The following LRRC4C variants were observed in gnomAD, a reference collection of about 807,000 sequenced individuals.
The protein encoded by LRRC4C is leucine rich repeat containing 4C.
In LRRC4C, 5 loss-of-function variants were observed where a neutral mutation model predicts 33.6. The observed-to-expected ratio is 0.15, with a 90% CI of 0.08 to 0.31. LRRC4C has a LOEUF of 0.31. LRRC4C is among the 10% of genes least tolerant of loss of function. LRRC4C has a pLI of 1.00. For missense variants in LRRC4C, 560 were observed against 796.7 expected (o/e 0.70, Z 3.58); for synonymous variants, 329 against 302.0 (o/e 1.09, Z -0.93).
chr11:41,118,512 C>T (rs879278402), intron 1 of LRRC4C, among the ~76,000 whole-genome samples: 6 of 152,204 alleles, frequency 3.9e-5, no homozygotes, highest in Non-Finnish European at 7.3e-5. Flanking sequence ...TGGTCACTGT[C>T]CATTCCTTTC....
intron 2 of LRRC4C, among the ~76,000 whole-genome samples, chr11:40,815,243 G>A (rs1322392918): frequency 6.6e-6 from 1 of 152,056 alleles, no homozygotes; most frequent in African/African-American, 2.4e-5. Context: ...GCATGTGTAG[G>A]GGACCTCCCT....
intron 1 of LRRC4C, among the ~76,000 whole-genome samples, chr11:41,353,525 A>C (rs930742551): frequency 6.6e-6 from 1 of 152,120 alleles, no homozygotes; most frequent in Non-Finnish European, 1.5e-5. Flanking sequence ...CATTCTGTGA[A>C]GCTAGCTTTG....
chr11:40,728,218 C>G (rs1947383809), intron 2 of LRRC4C, among the ~76,000 whole-genome samples: 1 of 151,746 alleles, frequency 6.6e-6, no homozygotes, highest in Non-Finnish European at 1.5e-5. Flanking sequence ...CAGTTCAGCC[C>G]CTGTAGAAAG....
At chr11:41,041,926 T>C (rs1276601103) in intron 1 of LRRC4C, among the ~76,000 whole-genome samples, 1 of 152,176 alleles carries the variant, frequency 6.6e-6, no homozygotes, top group Non-Finnish European at 1.5e-5. Context: ...GTGGATCTGA[T>C]TTGTTGGCCT....
At chr11:40,832,959 G>A (rs1167774439) in intron 2 of LRRC4C, among the ~76,000 whole-genome samples, 1 of 152,122 alleles carries the variant, frequency 6.6e-6, no homozygotes, top group Non-Finnish European at 1.5e-5. Flanking sequence ...ACAAGCATAA[G>A]GAGGTTTCAC....
intron 1 of LRRC4C, among the ~76,000 whole-genome samples, chr11:41,047,595 A>T (rs1372083928): frequency 6.6e-6 from 1 of 152,162 alleles, no homozygotes; most frequent in Non-Finnish European, 1.5e-5. Flanking sequence ...AAAATAAAAA[A>T]TTTAAAAAAG....
In LRRC4C at chr11:40,554,982, A is replaced by G. The variant is rs995668625; in HGVS notation, c.-270+93160T>C. On this transcript the variant is annotated intron_variant, in intron 3 of 6. Transcript: ENST00000528697. ...GTGATCCGCCCGCCTCGGCCTCCCA[A>G]AGTGCTGGGATTACAGGCGTGAGCC... is the stretch of plus-strand genomic sequence containing the variant. 2.8e-5 allele frequency among the ~76,000 whole-genome samples: 4 copies of G among 142,912 alleles called. 1 individual carries two copies. Among genetic ancestry groups the G allele is most frequent in the African/African-American group, 1.2e-4 (4 of 33,890 alleles). 93.8% of individuals were successfully genotyped at this position (142,912 alleles called of 152,430 possible).
chr11:41,392,737 TG>T, intron 1 of LRRC4C, among the ~76,000 whole-genome samples: 1 of 87,982 alleles, frequency 1.1e-5, no homozygotes, highest in Admixed American at 1.6e-4. Context: ...AAGAAAGACA[TG>T]TGATAATGAG....
chr11:40,182,041 T>C (rs1861049393), intron 5 of LRRC4C, among the ~76,000 whole-genome samples: 3 of 152,234 alleles, frequency 2.0e-5, no homozygotes, highest in South Asian at 2.1e-4. Flanking sequence ...TTAAGAAAGC[T>C]AACTGATTCA....
intron 2 of LRRC4C, among the ~76,000 whole-genome samples, chr11:40,787,355 C>A (rs756512442): frequency 2.0e-5 from 3 of 152,252 alleles, no homozygotes; most frequent in Non-Finnish European, 4.4e-5. Flanking sequence ...TGAATTGTGG[C>A]AGTTACTATT....
intron 4 of LRRC4C, among the ~76,000 whole-genome samples, chr11:40,299,747 C>T (rs137945350): frequency 6.6e-6 from 1 of 152,202 alleles, no homozygotes; most frequent in Non-Finnish European, 1.5e-5. Context: ...ATGAACTGTC[C>T]ACTTGGTTGG....
intron 2 of LRRC4C, among the ~76,000 whole-genome samples, chr11:40,922,899 C>T (rs939223396): frequency 6.6e-6 from 1 of 152,132 alleles, no homozygotes; most frequent in African/African-American, 2.4e-5. Context: ...AAACTCTGCT[C>T]ACTGCAACCT....
chr11:40,514,799 T>C (rs1202674880), intron 3 of LRRC4C, among the ~76,000 whole-genome samples: 1 of 152,106 alleles, frequency 6.6e-6, no homozygotes, highest in Admixed American at 6.6e-5. Flanking sequence ...TACAATCATC[T>C]AAAAGTTTGA....
intron 3 of LRRC4C, among the ~76,000 whole-genome samples, chr11:40,362,672 A>G (rs1198640727): frequency 6.6e-6 from 1 of 152,200 alleles, no homozygotes; most frequent in Non-Finnish European, 1.5e-5. Flanking sequence ...GTGAGCTGAG[A>G]TCCCACCATT....
intron 3 of LRRC4C, among the ~76,000 whole-genome samples, chr11:40,484,688 G>A (rs1158336784): frequency 6.6e-6 from 1 of 151,878 alleles, no homozygotes; most frequent in Non-Finnish European, 1.5e-5. Flanking sequence ...ACTTAGACAA[G>A]CTGAATTCAT....
In LRRC4C at chr11:41,245,674, A is replaced by G. The variant is rs76434168; in HGVS notation, c.-496+213757T>C. Among the ~76,000 whole-genome samples, 763 of 152,288 alleles carry G rather than the reference A, an allele frequency of 5.0e-3. 8 individuals are homozygous for G. The highest frequency in any genetic ancestry group is 0.018 in the African/African-American group (733 of 41,564). Reference sequence around the variant, plus strand: ...CTTTTCTTCTTCCATTGCCCACCACATGGCAAGCAAGGAGAGTGTTTTAGC... The same window carrying G: ...CTTTTCTTCTTCCATTGCCCACCACGTGGCAAGCAAGGAGAGTGTTTTAGC... On this transcript the variant is annotated intron_variant, in intron 1 of 6. Coordinates refer to ENST00000528697, the MANE Select transcript of LRRC4C (RefSeq NM_001258419.2).
intron 2 of LRRC4C, among the ~76,000 whole-genome samples, chr11:40,869,332 G>T (rs1405525561): frequency 6.6e-6 from 1 of 152,256 alleles, no homozygotes; most frequent in East Asian, 1.9e-4. Context: ...TAGTCAGGCA[G>T]ACATAAGCAG....
At chr11:40,380,965 C>T (rs1039071352) in intron 3 of LRRC4C, among the ~76,000 whole-genome samples, 5 of 152,160 alleles carry the variant, frequency 3.3e-5, no homozygotes, top group Admixed American at 1.3e-4. Flanking sequence ...ATGCGAGTCT[C>T]TGTGTGTGCA....
intron 2 of LRRC4C, among the ~76,000 whole-genome samples, chr11:40,790,093 A>G (rs1035442238): frequency 2.6e-5 from 4 of 152,202 alleles, no homozygotes; most frequent in South Asian, 4.1e-4. Flanking sequence ...CATCATAATA[A>G]AGATAGAGGT....
Sources: gnomAD v4.1 joint callset for allele counts (sites outside exome capture counted in the v4.1 genomes callset) on GRCh38, gnomAD v4.1.1 for gene constraint, MANE v1.5 for transcripts, NCBI Gene and HGNC (gene_info 2026-07-23, HGNC 2026-07-21) for gene names.